BMPR1B: variants seen among roughly 807,000 people sequenced by gnomAD.
BMPR1B encodes bone morphogenetic protein receptor type 1B, also known as bone morphogenetic protein receptor type-1B.
In BMPR1B, 12 loss-of-function variants were observed where a neutral mutation model predicts 59.1. The ratio of observed to expected loss-of-function variants is 0.20; its 90% CI spans 0.13 to 0.33. The LOEUF (loss-of-function observed/expected upper bound fraction) is 0.33. Among genes scored for constraint, BMPR1B ranks in the 10% least tolerant of loss-of-function variants. The pLI is 1.00. For synonymous variants in BMPR1B, 237 were observed against 207.3 expected (o/e 1.14, Z -1.23); for missense variants, 550 against 610.9 (o/e 0.90, Z 1.05).
At chr4:94,963,420 G>A (rs1050442575) in intron 2 of BMPR1B, among the ~76,000 whole-genome samples, 15 of 152,004 alleles carry the variant, frequency 9.9e-5, no homozygotes, top group East Asian at 1.9e-4. Context: ...TACTTGCCCC[G>A]ACCAACATCC....
At chr4:94,972,881 G>T (rs561937610) in intron 2 of BMPR1B, among the ~76,000 whole-genome samples, 2 of 152,286 alleles carry the variant, frequency 1.3e-5, no homozygotes, top group East Asian at 3.9e-4. Context: ...GGACAGGGGT[G>T]CCTCATTTAT....
chr4:94,810,344 C>A (rs750276143), intron 1 of BMPR1B, among the ~76,000 whole-genome samples: 3 of 152,130 alleles, frequency 2.0e-5, no homozygotes, highest in Non-Finnish European at 4.4e-5. Context: ...AAACAACTTA[C>A]AACACTATAA....
intron 5 of BMPR1B, 145 bp from the exon 6 acceptor site, chr4:95,115,540 A>T (rs17023047): frequency 1.4e-6 from 1 of 733,640 alleles, no homozygotes; most frequent in Admixed American, 2.2e-5. Flanking sequence ...ATTACCTTAT[A>T]GAGGAGAACA....
At chr4:95,013,163 A>G (rs896857747) in intron 3 of BMPR1B, among the ~76,000 whole-genome samples, 3 of 152,092 alleles carry the variant, frequency 2.0e-5, no homozygotes, top group Non-Finnish European at 4.4e-5. Context: ...AGAGACACAG[A>G]TTTAGTAAAT....
intron 1 of BMPR1B, among the ~76,000 whole-genome samples, chr4:94,765,362 A>G (rs1370866080): frequency 1.3e-5 from 2 of 152,204 alleles, no homozygotes; most frequent in Non-Finnish European, 1.5e-5. Context: ...CCCCATCTAC[A>G]TCAATGTATG....
chr4:94,940,953 G>A (rs1441681533), intron 2 of BMPR1B, among the ~76,000 whole-genome samples: 1 of 152,022 alleles, frequency 6.6e-6, no homozygotes, highest in Non-Finnish European at 1.5e-5. Context: ...TAAGGTTGAA[G>A]GACATTCTTC....
intron 2 of BMPR1B, among the ~76,000 whole-genome samples, chr4:94,901,389 C>A (rs1578780239): frequency 6.6e-6 from 1 of 151,912 alleles, no homozygotes; most frequent in Non-Finnish European, 1.5e-5. Flanking sequence ...AAGACTCCTT[C>A]CTTGTGGAGA....
intron 8 of BMPR1B, among the ~76,000 whole-genome samples, chr4:95,129,122 C>T (rs1300033480): frequency 6.6e-6 from 1 of 152,178 alleles, no homozygotes. Flanking sequence ...CCGCCATAGT[C>T]ACGGCATGAA....
In BMPR1B at chr4:94,898,565, G is replaced by A. The variant is rs1032906661; in HGVS notation, c.-113+22665G>A. On this transcript the variant is annotated intron_variant, in intron 2 of 12. Coordinates refer to ENST00000515059, the MANE Select transcript of BMPR1B (RefSeq NM_001203.3). Reference sequence around the variant, plus strand: ...TTCCTGCCACCATGTGAAGAAGGACGTGTTTGCTTCCTCTTCCACCATGAT... The same window carrying A: ...TTCCTGCCACCATGTGAAGAAGGACATGTTTGCTTCCTCTTCCACCATGAT... Among the ~76,000 whole-genome samples the A allele has an allele frequency of 2.1e-4, 32 of 152,146 alleles. No individual in the cohort carries two copies. In the South Asian group the frequency reaches 2.5e-3, roughly 12 times the overall value.
chr4:94,917,605 G>A (rs1266730052), intron 2 of BMPR1B, among the ~76,000 whole-genome samples: 2 of 152,160 alleles, frequency 1.3e-5, no homozygotes, highest in Non-Finnish European at 2.9e-5. Flanking sequence ...CTCAATGCCT[G>A]TATCCCCATA....
chr4:94,971,433 A>C (rs1313962673), intron 2 of BMPR1B, among the ~76,000 whole-genome samples: 1 of 152,158 alleles, frequency 6.6e-6, no homozygotes, highest in Non-Finnish European at 1.5e-5. Context: ...ATGTCAGTTA[A>C]TTGTAGTGCT....
At position 95,109,444 on chromosome 4, in the gene BMPR1B, G is replaced by A. The variant is rs1410855967; in HGVS notation, c.143+4877G>A. On this transcript the variant is annotated intron_variant, in intron 4 of 12. Transcript: ENST00000515059. ...ACTCAGGCTTTTTAAACCTCTTACT[G>A]AGTGTGGTGGTATGTTTTCAAACAG... 2.0e-5 allele frequency among the ~76,000 whole-genome samples: 3 copies of A among 152,202 alleles called. No homozygotes were observed. In the East Asian group the frequency reaches 5.8e-4, roughly 29 times the overall value.
At chr4:94,974,699 G>T (rs893559802) in intron 2 of BMPR1B, among the ~76,000 whole-genome samples, 3 of 152,102 alleles carry the variant, frequency 2.0e-5, no homozygotes, top group Non-Finnish European at 4.4e-5. Context: ...CTTCCCAGCT[G>T]TATTGAAACT....
In BMPR1B at chr4:95,089,868, A is replaced by G. The variant is rs544194300; in HGVS notation, c.-17-14540A>G. ...ATTTATCATAAATTATCAAAACTCTATGAACTCTAGACTTACATATATCCA... is the reference window on the plus strand; with the variant it reads ...ATTTATCATAAATTATCAAAACTCTGTGAACTCTAGACTTACATATATCCA... On this transcript the variant is annotated intron_variant, in intron 3 of 12. Coordinates refer to ENST00000515059, the MANE Select transcript of BMPR1B (RefSeq NM_001203.3). Among the ~76,000 whole-genome samples the G allele has an allele frequency of 3.6e-4, 55 of 152,236 alleles. No homozygotes were observed. The South Asian group carries it at 8.7e-3, about 24-fold the overall frequency.
At chr4:94,762,180 T>G in intron 1 of BMPR1B, among the ~76,000 whole-genome samples, 1 of 152,176 alleles carries the variant, frequency 6.6e-6, no homozygotes, top group East Asian at 1.9e-4. Context: ...TACTTAAATG[T>G]TTGAATGCCT....
At chr4:94,789,704 A>G (rs976233580) in intron 1 of BMPR1B, among the ~76,000 whole-genome samples, 38 of 152,236 alleles carry the variant, frequency 2.5e-4, no homozygotes, top group African/African-American at 8.9e-4. Context: ...AGTGTATGCC[A>G]GTATCAAGCA....
At chr4:95,002,108 GGTA>G (rs1308043082) in intron 3 of BMPR1B, among the ~76,000 whole-genome samples, 1 of 152,098 alleles carries the variant, frequency 6.6e-6, no homozygotes, top group African/African-American at 2.4e-5. Context: ...CTACCCACTA[GGTA>G]GTTTTTCTCT....
chr4:94,953,641 G>C (rs116241309), intron 2 of BMPR1B, among the ~76,000 whole-genome samples: 1 of 152,142 alleles, frequency 6.6e-6, no homozygotes, highest in Non-Finnish European at 1.5e-5. Flanking sequence ...AGCGTGATGC[G>C]CTTTCATTTG....
chr4:94,921,574 C>T (rs1012033367), intron 2 of BMPR1B, among the ~76,000 whole-genome samples: 6 of 151,906 alleles, frequency 3.9e-5, no homozygotes, highest in Non-Finnish European at 4.4e-5. Context: ...TTTAAACAAC[C>T]GCATCTCATG....
Sources: allele counts gnomAD v4.1 joint callset (sites outside exome capture counted in the v4.1 genomes callset), GRCh38; gene constraint gnomAD v4.1.1; transcripts MANE v1.5; gene names NCBI Gene and HGNC (gene_info 2026-07-23, HGNC 2026-07-21).